RASGRF2: variants seen among roughly 807,000 people sequenced by gnomAD.
The protein encoded by RASGRF2 is ras-specific guanine nucleotide-releasing factor 2.
In RASGRF2, 76 loss-of-function variants were observed where a neutral mutation model predicts 151.0. The ratio of observed to expected loss-of-function variants is 0.50; its 90% CI spans 0.42 to 0.61. RASGRF2 has a LOEUF of 0.61. Ranked by LOEUF, RASGRF2 falls within the 20% of genes least tolerant of loss-of-function variation. The pLI is 0.00. For synonymous variants in RASGRF2, 504 were observed against 566.5 expected (o/e 0.89, Z 1.57); for missense variants, 1,148 against 1,564.6 (o/e 0.73, Z 4.49).
intron 1 of RASGRF2, among the ~76,000 whole-genome samples, chr5:80,968,447 C>A (rs1260911477): frequency 6.6e-6 from 1 of 151,960 alleles, no homozygotes; most frequent in Non-Finnish European, 1.5e-5. Context: ...TTTGGCATAG[C>A]ACTTTTTTGG....
intron 1 of RASGRF2, among the ~76,000 whole-genome samples, chr5:81,008,308 G>A (rs1749344173): frequency 6.6e-6 from 1 of 151,792 alleles, no homozygotes; most frequent in African/African-American, 2.4e-5. Context: ...GTGTCACCAC[G>A]CCCGGCTAAT....
intron 13 of RASGRF2, 131 bp from the exon 14 acceptor site, chr5:81,112,479 A>G (rs772702207): frequency 3.3e-6 from 4 of 1,226,824 alleles, no homozygotes; most frequent in Non-Finnish European, 4.6e-6. Context: ...CAACTGTGCA[A>G]TTATCTCTCT....
chr5:81,112,463 G>A (rs1753023424), intron 13 of RASGRF2, 147 bp from the exon 14 acceptor site: 3 of 1,068,968 alleles, frequency 2.8e-6, no homozygotes, highest in South Asian at 1.5e-5. Context: ...CAAGAATACT[G>A]AGGGACAACT....
Position 81,225,698 on chromosome 5 carries a change from C to T in RASGRF2, c.3642C>T (p.Asp1214=). The T allele has an allele frequency of 1.2e-6, 2 of 1,611,886 alleles. No homozygotes were observed. Among genetic ancestry groups the T allele is most frequent in the South Asian group, 2.2e-5 (2 of 90,444 alleles). ...TTCAGGTCGCACAGTACTTGCTTGA[C>T]AAAGACCTTATCATAGATGAAGATA... ...HQPKVAQYLL[D]KDLIIDEDTL... The change falls in exon 27 of 27, where the codon GAC becomes GAT. Residue 1214 remains aspartate, a synonymous_variant. Transcript: ENST00000265080.
Position 81,019,328 on chromosome 5 carries a change from T to A in RASGRF2, c.289-23549T>A, listed in dbSNP as rs142242787. 250 of 152,398 alleles carry A rather than the reference T, an allele frequency of 1.6e-3. 4 individuals are homozygous for A. The highest frequency in any genetic ancestry group is 5.7e-3 in the African/African-American group (237 of 41,582). 9.4% of individuals were successfully genotyped at this position (152,398 alleles called of 1,614,324 possible). A position where few individuals can be genotyped will look rare whatever the true frequency, so the allele number is the denominator to read the frequency against. ...ATCTCAGAGGCACTGCCCTCCAGGC[T>A]GCTGTGTTACTGTTACTATGATGGA... On this transcript the variant is annotated intron_variant, in intron 1 of 26. Transcript: ENST00000265080.
At chr5:81,068,380 G>C (rs1365828829) in intron 3 of RASGRF2, among the ~76,000 whole-genome samples, 13 of 132,280 alleles carry the variant, frequency 9.8e-5, no homozygotes, top group African/African-American at 3.5e-4. Context: ...GAACATATCA[G>C]GATAATGTGC....
At chr5:81,160,318 G>A (rs1053942886) in intron 17 of RASGRF2, among the ~76,000 whole-genome samples, 1 of 152,158 alleles carries the variant, frequency 6.6e-6, no homozygotes, top group Non-Finnish European at 1.5e-5. Context: ...CTACTTCAGA[G>A]AGTGAGACAG....
chr5:81,000,428 A>C (rs1749042461), intron 1 of RASGRF2, among the ~76,000 whole-genome samples: 1 of 152,146 alleles, frequency 6.6e-6, no homozygotes, highest in South Asian at 2.1e-4. Context: ...TTTTTAGTAG[A>C]GACGGGGTTT....
intron 26 of RASGRF2, among the ~76,000 whole-genome samples, chr5:81,223,134 GT>G (rs1341157798): frequency 4.6e-5 from 7 of 152,206 alleles, no homozygotes; most frequent in African/African-American, 1.7e-4. Flanking sequence ...ACTTACTATT[GT>G]AAAGAGGTCC....
chr5:81,219,626 G>A, intron 25 of RASGRF2, 84 bp from the exon 26 acceptor site: 1 of 1,120,786 alleles, frequency 8.9e-7, no homozygotes, highest in Non-Finnish European at 1.3e-6. Flanking sequence ...CTGGGAAGAG[G>A]CCTCAGAAGA....
intron 1 of RASGRF2, among the ~76,000 whole-genome samples, chr5:80,995,947 C>G (rs1372422045): frequency 6.6e-6 from 1 of 152,010 alleles, no homozygotes; most frequent in East Asian, 1.9e-4. Context: ...CCCGCCCTGG[C>G]CTTGCAAAGT....
chr5:81,040,297 C>A (rs1750639960), intron 1 of RASGRF2, among the ~76,000 whole-genome samples: 1 of 152,116 alleles, frequency 6.6e-6, no homozygotes, highest in Admixed American at 6.5e-5. Flanking sequence ...GTGTGAGCCA[C>A]CATGCTTAAT....
chr5:81,138,487 A>T (rs1207744422), intron 17 of RASGRF2, among the ~76,000 whole-genome samples: 1 of 152,186 alleles, frequency 6.6e-6, no homozygotes. Context: ...GGCCCTGGGC[A>T]TATTTCCAGT....
chr5:81,022,036 A>C (rs1749846435), intron 1 of RASGRF2, among the ~76,000 whole-genome samples: 1 of 152,284 alleles, frequency 6.6e-6, no homozygotes, highest in South Asian at 2.1e-4. Context: ...TCTGAAAAAC[A>C]CCTTAAACGA....
chr5:80,996,536 CCCTCCTCCTCCTCCCCCTCCTCCT>C (rs1748882743), intron 1 of RASGRF2, among the ~76,000 whole-genome samples: 3 of 12,498 alleles, frequency 2.4e-4, no homozygotes, highest in Non-Finnish European at 4.7e-4. Context: ...CTCCTCCTCC[CCCTCCTCCTCCTCCCCCTCCTCCT>C]CCTCCCCCTC....
At chr5:81,070,368 G>A (rs1580278468) in intron 3 of RASGRF2, 124 bp from the exon 4 acceptor site, 2 of 724,864 alleles carry the variant, frequency 2.8e-6, no homozygotes, top group East Asian at 5.1e-5. Flanking sequence ...GGAAGAGAGT[G>A]TGCATAAAAA....
Position 81,064,676 on chromosome 5 carries a change from G to T in RASGRF2, c.396-3356G>T, listed in dbSNP as rs72769292. Among the ~76,000 whole-genome samples the T allele has an allele frequency of 6.4e-3, 975 of 152,236 alleles. 6 individuals carry two copies. Among genetic ancestry groups the T allele is most frequent in the Middle Eastern group, 0.01 (3 of 294 alleles). ...ACTCTGTGACTGTGAATGCTGCATC[G>T]TGTAACATGTGTCAGCTTCCTTTTC... On this transcript the variant is annotated intron_variant, in intron 2 of 26. Transcript: ENST00000265080.
chr5:81,101,557 A>G (rs1752698578), intron 12 of RASGRF2, among the ~76,000 whole-genome samples: 1 of 151,814 alleles, frequency 6.6e-6, no homozygotes, highest in African/African-American at 2.4e-5. Flanking sequence ...TTTGAAAACC[A>G]TTCCCCTATT....
chr5:81,061,535 T>G (rs1042851161), intron 2 of RASGRF2, among the ~76,000 whole-genome samples: 1 of 149,690 alleles, frequency 6.7e-6, no homozygotes, highest in Non-Finnish European at 1.5e-5. Context: ...TGAGACAGGA[T>G]CTCTCCCTGT....
Sources: allele counts gnomAD v4.1 joint callset (sites outside exome capture counted in the v4.1 genomes callset), GRCh38; gene constraint gnomAD v4.1.1; transcripts MANE v1.5; gene names NCBI Gene and HGNC (gene_info 2026-07-23, HGNC 2026-07-21).